HHAT: variants seen among roughly 807,000 people sequenced by gnomAD.
HHAT encodes the protein hedgehog acyltransferase, also known as protein-cysteine N-palmitoyltransferase HHAT.
In HHAT, 47 loss-of-function variants were observed where a neutral mutation model predicts 70.8. That is an observed-to-expected ratio of 0.66 (90% confidence interval 0.53 to 0.85). The LOEUF (loss-of-function observed/expected upper bound fraction) is 0.85. Among genes scored for constraint, HHAT ranks in the 40% least tolerant of loss-of-function variants. HHAT has a pLI of 0.00. For synonymous variants in HHAT, 228 were observed against 247.6 expected (o/e 0.92, Z 0.74); for missense variants, 609 against 604.8 (o/e 1.01, Z -0.07).
intron 8 of HHAT, among the ~76,000 whole-genome samples, chr1:210,470,223 G>C (rs910384002): frequency 6.6e-6 from 1 of 152,186 alleles, no homozygotes; most frequent in Non-Finnish European, 1.5e-5. Flanking sequence ...ATGGAAGGTA[G>C]AAGAGGTGAG....
chr1:210,469,614 TATAA>T (rs1432614335), intron 8 of HHAT, among the ~76,000 whole-genome samples: 2 of 152,212 alleles, frequency 1.3e-5, no homozygotes, highest in African/African-American at 4.8e-5. Context: ...TACATAATTA[TATAA>T]ATAATGATTA....
chr1:210,637,071 G>A (rs780451038), intron 11 of HHAT, among the ~76,000 whole-genome samples: 9 of 152,138 alleles, frequency 5.9e-5, no homozygotes, highest in Admixed American at 2.6e-4. Context: ...GATTAAATAC[G>A]ATAATAAATA....
At chr1:210,502,151 G>A (rs776043723) in intron 8 of HHAT, among the ~76,000 whole-genome samples, 4 of 151,754 alleles carry the variant, frequency 2.6e-5, no homozygotes, top group Non-Finnish European at 4.4e-5. Context: ...TTGGGAGGCC[G>A]AGGTGGGTGG....
rs527344929 is a variant in HHAT, at chr1:210,516,931, G to C, written c.1043+3743G>C. Among the ~76,000 whole-genome samples the C allele has an allele frequency of 1.6e-4, 25 of 152,314 alleles. 1 individual carries two copies. In the South Asian group the frequency reaches 3.9e-3, roughly 24 times the overall value. On this transcript the variant is annotated intron_variant, in intron 9 of 11. Transcript: ENST00000261458. The stretch of plus-strand genomic sequence containing the variant: ...TGGAGTGCTCCACTGAGCCATGGGG[G>C]CAGGAAAGAGCTGTCACATTTAATG...
At chr1:210,429,995 C>G (rs570498494) in intron 7 of HHAT, among the ~76,000 whole-genome samples, 1 of 151,864 alleles carries the variant, frequency 6.6e-6, no homozygotes, top group Non-Finnish European at 1.5e-5. Flanking sequence ...GAGCTGAATA[C>G]AGTTTATCAT....
chr1:210,669,693 A>G (rs1200816538), intron 11 of HHAT, among the ~76,000 whole-genome samples: 1 of 152,264 alleles, frequency 6.6e-6, no homozygotes, highest in Non-Finnish European at 1.5e-5. Context: ...CCAGATATCA[A>G]AAGCCCTGCA....
chr1:210,609,672 C>T (rs113121163), intron 10 of HHAT, among the ~76,000 whole-genome samples: 13,838 of 152,066 alleles, frequency 0.091, 1,550 homozygotes, highest in African/African-American at 0.27. Flanking sequence ...TCTCCCTAGC[C>T]CCTCAACAGG....
intron 3 of HHAT, among the ~76,000 whole-genome samples, chr1:210,383,971 G>T (rs1049981422): frequency 1.3e-5 from 2 of 152,092 alleles, no homozygotes; most frequent in Non-Finnish European, 2.9e-5. Context: ...TTCATTGTGG[G>T]GTGTGGTGGT....
At chr1:210,335,666 A>T (rs1429048956) in intron 1 of HHAT, among the ~76,000 whole-genome samples, 3 of 152,244 alleles carry the variant, frequency 2.0e-5, no homozygotes, top group Middle Eastern at 3.2e-3. Context: ...ACTGCAGGGC[A>T]GTGGAGAGAA....
chr1:210,546,048 C>T (rs960615132), intron 9 of HHAT, among the ~76,000 whole-genome samples: 1 of 152,204 alleles, frequency 6.6e-6, no homozygotes, highest in Admixed American at 6.5e-5. Flanking sequence ...CTTTTTTCCT[C>T]CTTCTACTTA....
intron 10 of HHAT, among the ~76,000 whole-genome samples, chr1:210,614,018 CAAAA>C (rs55874321): frequency 0.2 from 21,821 of 111,536 alleles, 1,756 homozygotes; most frequent in South Asian, 0.32. Context: ...GACCCTGCCT[CAAAA>C]AAAAAAAAAA....
rs182804558 is a variant in HHAT, at chr1:210,401,178, G to A, written c.468+516G>A. ...ACCCAGGGCTGAAGTGCAGTGGTGC[G>A]ATCTTGGTTCACTGCAACCTCCGCC... On this transcript the variant is annotated intron_variant, in intron 5 of 11. Coordinates refer to ENST00000261458, the MANE Select transcript of HHAT (RefSeq NM_018194.6). Among the ~76,000 whole-genome samples the A allele has an allele frequency of 3.0e-4, 45 of 152,278 alleles. No individual in the cohort carries two copies. The Middle Eastern group carries it at 0.01, about 35-fold the overall frequency.
At chr1:210,344,467 T>A (rs2086327236) in intron 1 of HHAT, among the ~76,000 whole-genome samples, 1 of 152,118 alleles carries the variant, frequency 6.6e-6, no homozygotes, top group South Asian at 2.1e-4. Context: ...ATGGTCCCAG[T>A]GTGTGAATGT....
At position 210,428,286 on chromosome 1, in the gene HHAT, CTATATATATATATA is replaced by C. The variant is rs66516721; in HGVS notation, c.856+10008_856+10021del. Among the ~76,000 whole-genome samples, 702 of 101,056 alleles carry C rather than the reference CTATATATATATATA, an allele frequency of 6.9e-3. 5 individuals are homozygous for C. The highest frequency in any genetic ancestry group is 0.01 in the African/African-American group (237 of 22,630). 66.3% of individuals were successfully genotyped at this position (101,056 alleles called of 152,430 possible). On this transcript the variant is annotated intron_variant, in intron 7 of 11. Coordinates refer to ENST00000261458, the MANE Select transcript of HHAT (RefSeq NM_018194.6). ...ATGTTTTCCCCCAAATGAGCTTATA[CTATATATATATATA>C]TATATATATATATATATATATATAT...
At chr1:210,667,661 C>T (rs1679200824) in intron 11 of HHAT, among the ~76,000 whole-genome samples, 1 of 152,128 alleles carries the variant, frequency 6.6e-6, no homozygotes, top group Non-Finnish European at 1.5e-5. Flanking sequence ...ACATCATCAT[C>T]CCAAAAGATT....
chr1:210,511,062 A>G (rs2094944888), intron 8 of HHAT, among the ~76,000 whole-genome samples: 1 of 152,202 alleles, frequency 6.6e-6, no homozygotes, highest in African/African-American at 2.4e-5. Context: ...TGGTGTGGAT[A>G]TTTATTTATG....
chr1:210,367,861 T>C (rs2089154692), intron 3 of HHAT, among the ~76,000 whole-genome samples: 1 of 152,092 alleles, frequency 6.6e-6, no homozygotes, highest in South Asian at 2.1e-4. Flanking sequence ...TTTTGCATCC[T>C]TTTTTTGTAA....
chr1:210,353,539 G>T, intron 2 of HHAT, among the ~76,000 whole-genome samples: 1 of 139,380 alleles, frequency 7.2e-6, no homozygotes, highest in African/African-American at 2.7e-5. Flanking sequence ...ATTTCTTCTT[G>T]TACCCATCTT....
chr1:210,446,835 G>A (rs1465051550), intron 7 of HHAT, among the ~76,000 whole-genome samples: 1 of 152,206 alleles, frequency 6.6e-6, no homozygotes, highest in African/African-American at 2.4e-5. Flanking sequence ...TGCATCACCA[G>A]ATTTTTTTCT....
Sources: gnomAD v4.1 joint callset for allele counts (sites outside exome capture counted in the v4.1 genomes callset) on GRCh38, gnomAD v4.1.1 for gene constraint, MANE v1.5 for transcripts, NCBI Gene and HGNC (gene_info 2026-07-23, HGNC 2026-07-21) for gene names.